The following BCAT1 variants were observed in gnomAD, a reference collection of about 807,000 sequenced individuals.
The protein encoded by BCAT1 is branched chain amino acid transaminase 1, also known as branched-chain-amino-acid aminotransferase, cytosolic.
In BCAT1, 48 loss-of-function variants were observed where a neutral mutation model predicts 52.4. The ratio of observed to expected loss-of-function variants is 0.92; its 90% CI spans 0.73 to 1.16. BCAT1 has a LOEUF of 1.16. BCAT1 is among the 50% of genes most tolerant of loss of function. The pLI is 0.00. For missense variants in BCAT1, 451 were observed against 457.1 expected (o/e 0.99, Z 0.12); for synonymous variants, 167 against 161.3 (o/e 1.04, Z -0.27).
chr12:24,908,391 G>A (rs1036376847), intron 1 of BCAT1, among the ~76,000 whole-genome samples: 1 of 152,192 alleles, frequency 6.6e-6, no homozygotes, highest in Non-Finnish European at 1.5e-5. Context: ...TGTGGTTAGT[G>A]TGATTGAGAA....
intron 7 of BCAT1, among the ~76,000 whole-genome samples, chr12:24,837,973 T>C (rs1466918267): frequency 1.3e-5 from 2 of 152,230 alleles, no homozygotes; most frequent in Non-Finnish European, 1.5e-5. Flanking sequence ...ACAGGCATCA[T>C]GCATGATCCA....
At chr12:24,840,216 T>C (rs1012486543) in intron 7 of BCAT1, among the ~76,000 whole-genome samples, 1 of 152,236 alleles carries the variant, frequency 6.6e-6, no homozygotes, top group East Asian at 1.9e-4. Flanking sequence ...TTAAATCATG[T>C]AGCTCTGATT....
intron 1 of BCAT1, among the ~76,000 whole-genome samples, chr12:24,920,061 GACTAATAC>G (rs1415493924): frequency 6.6e-6 from 1 of 151,966 alleles, no homozygotes; most frequent in Non-Finnish European, 1.5e-5. Flanking sequence ...CATAAAAATG[GACTAATAC>G]ACTTACCCTC....
intron 1 of BCAT1, chr12:24,904,327 C>G (rs763117136): frequency 6.6e-6 from 1 of 152,318 alleles, no homozygotes; most frequent in Non-Finnish European, 1.5e-5. Flanking sequence ...CTCAGCCTCC[C>G]CAGTAGCCGG....
chr12:24,821,202 C>T (rs904519585), intron 10 of BCAT1, among the ~76,000 whole-genome samples: 4 of 152,170 alleles, frequency 2.6e-5, no homozygotes, highest in African/African-American at 9.7e-5. Context: ...AATACAATAA[C>T]CACTAATAGT....
chr12:24,929,602 T>C lies in BCAT1; in HGVS notation c.6+19325A>G, dbSNP rs188013277. 1.4e-3 allele frequency among the ~76,000 whole-genome samples: 218 copies of C among 152,320 alleles called. 6 individuals are homozygous for C. Among genetic ancestry groups the C allele is most frequent in the Admixed American group, 0.014 (212 of 15,302 alleles). On this transcript the variant is annotated intron_variant, in intron 1 of 10. Transcript: ENST00000261192. The stretch of plus-strand genomic sequence containing the variant: ...AGGGAGAAGATTGGACAGGTAGACC[T>C]TGTCACAGGCTATTACCTATTCTTC...
chr12:24,833,546 G>A (rs1392011992), intron 8 of BCAT1, among the ~76,000 whole-genome samples: 1 of 151,770 alleles, frequency 6.6e-6, no homozygotes, highest in Non-Finnish European at 1.5e-5. Flanking sequence ...AAAAAAATCA[G>A]TGTCTTAAAA....
At chr12:24,855,710 A>C (rs1941657243) in intron 5 of BCAT1, among the ~76,000 whole-genome samples, 1 of 152,152 alleles carries the variant, frequency 6.6e-6, no homozygotes, top group Admixed American at 6.5e-5. Context: ...TCTTTCTGAG[A>C]AGTCTGGAGG....
chr12:24,818,692 T>C (rs1598089140), intron 10 of BCAT1, among the ~76,000 whole-genome samples: 1 of 152,334 alleles, frequency 6.6e-6, no homozygotes, highest in East Asian at 1.9e-4. Flanking sequence ...TCATGCTGTG[T>C]TAGCATTTTT....
intron 1 of BCAT1, among the ~76,000 whole-genome samples, chr12:24,904,847 G>T (rs1226145132): frequency 2.0e-5 from 3 of 152,200 alleles, no homozygotes; most frequent in South Asian, 2.1e-4. Context: ...AGTGTTAATT[G>T]TGTTAGAAAG....
chr12:24,917,524 A>T (rs1943436488), intron 1 of BCAT1, among the ~76,000 whole-genome samples: 1 of 152,146 alleles, frequency 6.6e-6, no homozygotes, highest in African/African-American at 2.4e-5. Context: ...GTGATCTCCA[A>T]AGTTATCAGA....
intron 1 of BCAT1, among the ~76,000 whole-genome samples, chr12:24,934,037 T>C (rs1943718418): frequency 6.6e-6 from 1 of 152,176 alleles, no homozygotes; most frequent in South Asian, 2.1e-4. Flanking sequence ...GGAGCCGCCA[T>C]CTTAACGTGT....
At chr12:24,937,240 A>C (rs983027703) in intron 1 of BCAT1, among the ~76,000 whole-genome samples, 2 of 152,148 alleles carry the variant, frequency 1.3e-5, no homozygotes, top group African/African-American at 4.8e-5. Flanking sequence ...TGAGGTTGGC[A>C]GGGCAGGGTG....
chr12:24,933,706 A>G (rs906339546), intron 1 of BCAT1, among the ~76,000 whole-genome samples: 1 of 152,098 alleles, frequency 6.6e-6, no homozygotes, highest in Non-Finnish European at 1.5e-5. Flanking sequence ...GAACAGACAC[A>G]CACAGGGAGT....
At chr12:24,949,102 AGACCG>A (rs1943983645), upstream of BCAT1, 2 of 621,898 alleles carry the variant, frequency 3.2e-6, no homozygotes, top group Non-Finnish European at 5.6e-6. Context: ...GCTGGATTGC[AGACCG>A]GCCCTCTCGC....
At chr12:24,903,008 G>T in intron 1 of BCAT1, 1 of 1,443,182 alleles carries the variant, frequency 6.9e-7, no homozygotes, top group Non-Finnish European at 9.1e-7. Context: ...GCGGGGACGC[G>T]GGGCTGCAGA....
At chr12:24,844,435 A>T (rs776150272) in intron 6 of BCAT1, among the ~76,000 whole-genome samples, 26 of 149,902 alleles carry the variant, frequency 1.7e-4, no homozygotes, top group South Asian at 1.2e-3. Context: ...CCGTCTCAAA[A>T]AAATAAATAA....
At chr12:24,855,962 T>G (rs1941668078) in intron 5 of BCAT1, among the ~76,000 whole-genome samples, 1 of 152,208 alleles carries the variant, frequency 6.6e-6, no homozygotes, top group East Asian at 1.9e-4. Context: ...ATCCCCTTCC[T>G]TAAACAATGT....
intron 8 of BCAT1, chr12:24,834,904 G>T: frequency 1.9e-6 from 1 of 522,798 alleles, no homozygotes; most frequent in Non-Finnish European, 2.5e-6. Context: ...CCCCTATCTG[G>T]CAAATAGTGG....
Sources: gnomAD v4.1 joint callset for allele counts (sites outside exome capture counted in the v4.1 genomes callset) on GRCh38, gnomAD v4.1.1 for gene constraint, MANE v1.5 for transcripts, NCBI Gene and HGNC (gene_info 2026-07-23, HGNC 2026-07-21) for gene names.